The following CALD1 variants were observed in gnomAD, a reference collection of about 807,000 sequenced individuals.
The protein encoded by CALD1 is caldesmon 1, also known as caldesmon.
In CALD1, 33 loss-of-function variants were observed where a neutral mutation model predicts 99.9. The observed-to-expected ratio is 0.33, with a 90% CI of 0.25 to 0.44. CALD1 has a LOEUF of 0.44. Among genes scored for constraint, CALD1 ranks in the 20% least tolerant of loss-of-function variants. The probability of loss-of-function intolerance (pLI) is 1.00; values close to 1 mark genes in which losing one functional copy is unlikely to be tolerated. For missense variants in CALD1, 861 were observed against 962.1 expected (o/e 0.89, Z 1.39); for synonymous variants, 310 against 325.0 (o/e 0.95, Z 0.50).
In CALD1 at chr7:134,899,207, C is replaced by CTTT. The variant is rs981812367; in HGVS notation, c.72-29533_72-29531dup. On this transcript the variant is annotated intron_variant, in intron 3 of 14. Transcript: ENST00000361675. ...TTAGAACAAATGCTTCTTTCTTTTTCTTTTTTTTTTTTTTTTGAGATAGAG... is the reference window on the plus strand; with the variant it reads ...TTAGAACAAATGCTTCTTTCTTTTTCTTTTTTTTTTTTTTTTTTTGAGATAGAG... Among the ~76,000 whole-genome samples, 5 of 137,996 alleles carry CTTT rather than the reference C, an allele frequency of 3.6e-5. No individual in the cohort carries two copies. In the South Asian group the frequency reaches 9.4e-4, roughly 26 times the overall value. The allele number at this position is 137,996 out of a possible 152,430, so 90.5% of individuals were successfully genotyped here.
chr7:134,798,757 GAGTTACCAGC>G (rs1181360830), intron 1 of CALD1, among the ~76,000 whole-genome samples: 1 of 152,144 alleles, frequency 6.6e-6, no homozygotes, highest in Non-Finnish European at 1.5e-5. Context: ...TTTGAAATAC[GAGTTACCAGC>G]AGACACTAGT....
At chr7:134,750,964 C>A (rs1262463449) in intron 1 of CALD1, among the ~76,000 whole-genome samples, 1 of 152,150 alleles carries the variant, frequency 6.6e-6, no homozygotes, top group African/African-American at 2.4e-5. Flanking sequence ...GGGAATATGG[C>A]ATGCTTCTCC....
At chr7:134,734,965 T>C in the CALD1 span, 2 of 207,788 alleles carry the variant, frequency 9.6e-6, no homozygotes, top group East Asian at 2.4e-4. Context: ...ATCATGGTAC[T>C]GTTGGTAGGC....
chr7:134,845,523 G>GC (rs949335079), intron 2 of CALD1, among the ~76,000 whole-genome samples: 2 of 152,198 alleles, frequency 1.3e-5, no homozygotes, highest in Admixed American at 1.3e-4. Context: ...GCACAAGCAT[G>GC]CCCCAGTTAA....
At chr7:134,917,777 A>G (rs1024483937) in intron 3 of CALD1, among the ~76,000 whole-genome samples, 6 of 152,234 alleles carry the variant, frequency 3.9e-5, no homozygotes, top group Non-Finnish European at 8.8e-5. Flanking sequence ...CCACATTTAT[A>G]CCAGTTGAAT....
intron 1 of CALD1, among the ~76,000 whole-genome samples, chr7:134,798,617 T>A (rs1216524240): frequency 1.3e-5 from 2 of 152,198 alleles, no homozygotes; most frequent in African/African-American, 4.8e-5. Flanking sequence ...TCTAAAGACT[T>A]TGGCCAGTTT....
chr7:134,814,296 C>G (rs1167656961), intron 1 of CALD1, among the ~76,000 whole-genome samples: 1 of 152,140 alleles, frequency 6.6e-6, no homozygotes, highest in African/African-American at 2.4e-5. Context: ...AGGGTCTTGG[C>G]TAATGACTTA....
At chr7:134,845,140 TAG>T (rs1266592323) in intron 2 of CALD1, among the ~76,000 whole-genome samples, 1 of 152,190 alleles carries the variant, frequency 6.6e-6, no homozygotes, top group Non-Finnish European at 1.5e-5. Context: ...CTGCAGTTCT[TAG>T]AGTGTATTAT....
intron 3 of CALD1, among the ~76,000 whole-genome samples, chr7:134,908,120 A>G (rs1803537217): frequency 6.6e-6 from 1 of 152,196 alleles, no homozygotes; most frequent in Non-Finnish European, 1.5e-5. Flanking sequence ...TTGGGGTTAC[A>G]TGATGTTTTC....
At chr7:134,800,130 A>G (rs1797888445) in intron 1 of CALD1, among the ~76,000 whole-genome samples, 1 of 152,192 alleles carries the variant, frequency 6.6e-6, no homozygotes, top group Admixed American at 6.5e-5. Flanking sequence ...AATTCTAGAC[A>G]ATAAAAGTAA....
intron 1 of CALD1, among the ~76,000 whole-genome samples, chr7:134,806,943 CAT>C (rs1798163836): frequency 6.6e-6 from 1 of 152,186 alleles, no homozygotes; most frequent in Admixed American, 6.5e-5. Context: ...CCATTGCCAT[CAT>C]TTTTCCCCCA....
intron 1 of CALD1, among the ~76,000 whole-genome samples, chr7:134,744,772 C>A (rs55663556): frequency 0.13 from 19,672 of 152,004 alleles, 1,469 homozygotes; most frequent in Non-Finnish European, 0.17. Context: ...TTCTGCTCTT[C>A]CTTGAAGAGC....
intron 2 of CALD1, among the ~76,000 whole-genome samples, chr7:134,861,529 T>G (rs1800563956): frequency 6.6e-6 from 1 of 152,134 alleles, no homozygotes; most frequent in African/African-American, 2.4e-5. Flanking sequence ...GTGATAGGTG[T>G]GATTCAAGGT....
intron 1 of CALD1, among the ~76,000 whole-genome samples, chr7:134,771,197 T>C (rs910518658): frequency 6.6e-6 from 1 of 152,150 alleles, no homozygotes; most frequent in Non-Finnish European, 1.5e-5. Flanking sequence ...TGGTTTTAAA[T>C]CCTATCTAAA....
Position 134,933,729 on chromosome 7 carries a change from A to C in CALD1, c.960A>C (p.Glu320Asp), listed in dbSNP as rs1162816734. Residue 320 changes from glutamate to aspartate, a missense_variant, in exon 5 of 15, where the codon GAA becomes GAC. Transcript: ENST00000361675. ...AAGAGAGGGAAAGGATGAGGGAGGA[A>C]GAGAAAAGGGCAGCAGAGGAGAGGC... ...EAEERERMREEEKRAAEERQR... is the reference protein window; with the variant it reads ...EAEERERMREDEKRAAEERQR... 2 of 1,560,658 alleles carry C rather than the reference A, an allele frequency of 1.3e-6. No individual in the cohort carries two copies. Among genetic ancestry groups the C allele is most frequent in the East Asian group, 2.4e-5 (1 of 41,796 alleles).
chr7:134,760,729 G>A (rs1347069536), intron 1 of CALD1, among the ~76,000 whole-genome samples: 2 of 152,172 alleles, frequency 1.3e-5, no homozygotes, highest in African/African-American at 4.8e-5. Flanking sequence ...AAAATACACA[G>A]GAAATAGAAT....
At chr7:134,926,950 A>G (rs1805069020) in intron 3 of CALD1, among the ~76,000 whole-genome samples, 1 of 152,226 alleles carries the variant, frequency 6.6e-6, no homozygotes. Flanking sequence ...AAAAAGAATT[A>G]TTAGCATGAA....
At chr7:134,807,452 G>A (rs2131891146) in intron 1 of CALD1, among the ~76,000 whole-genome samples, 1 of 152,260 alleles carries the variant, frequency 6.6e-6, no homozygotes, top group Non-Finnish European at 1.5e-5. Flanking sequence ...CTAAACTCAA[G>A]AAGGATAAAT....
intron 1 of CALD1, among the ~76,000 whole-genome samples, chr7:134,834,435 G>A (rs1311888696): frequency 6.6e-6 from 1 of 152,186 alleles, no homozygotes; most frequent in Non-Finnish European, 1.5e-5. Flanking sequence ...CTGCTAAATG[G>A]ACTTAGTTGT....
Sources: allele counts gnomAD v4.1 joint callset (sites outside exome capture counted in the v4.1 genomes callset), GRCh38; gene constraint gnomAD v4.1.1; transcripts MANE v1.5; gene names NCBI Gene and HGNC (gene_info 2026-07-23, HGNC 2026-07-21).